TOX2: variants seen among roughly 807,000 people sequenced by gnomAD.
The protein encoded by TOX2 is granulosa cell HMG box 1.
Under a neutral mutation model 47.4 loss-of-function variants are expected in TOX2, and 15 were observed. That is an observed-to-expected ratio of 0.32 (90% confidence interval 0.21 to 0.49). The LOEUF (loss-of-function observed/expected upper bound fraction) is 0.49, where lower values mean the gene tolerates loss of function less well. Ranked by LOEUF, TOX2 falls within the 20% of genes least tolerant of loss-of-function variation. The pLI, the probability that TOX2 is intolerant of heterozygous loss-of-function variation, is 0.99. For synonymous variants in TOX2, 290 were observed against 296.6 expected (o/e 0.98, Z 0.23); for missense variants, 622 against 673.1 (o/e 0.92, Z 0.84).
At chr20:43,960,356 C>G (rs1215871068) in intron 1 of TOX2, among the ~76,000 whole-genome samples, 1 of 152,176 alleles carries the variant, frequency 6.6e-6, no homozygotes, top group Non-Finnish European at 1.5e-5. Flanking sequence ...AAAGAGGAAG[C>G]CTTGGCCAAG....
intron 2 of TOX2, among the ~76,000 whole-genome samples, chr20:43,994,590 G>A (rs1231317816): frequency 2.0e-5 from 3 of 151,996 alleles, no homozygotes; most frequent in East Asian, 3.8e-4. Flanking sequence ...CCAGCCTTGC[G>A]ACTTTTGCTA....
At chr20:44,060,219 G>GCATCTAA (rs2071693467) in intron 5 of TOX2, among the ~76,000 whole-genome samples, 2 of 152,100 alleles carry the variant, frequency 1.3e-5, no homozygotes, top group Non-Finnish European at 2.9e-5. Flanking sequence ...AAATTTATAT[G>GCATCTAA]CATCTAACAT....
At chr20:43,943,012 C>T (rs1178726208) in intron 1 of TOX2, among the ~76,000 whole-genome samples, 3 of 152,202 alleles carry the variant, frequency 2.0e-5, no homozygotes, top group African/African-American at 4.8e-5. Flanking sequence ...AATACCTCCA[C>T]CTGAATATTT....
At chr20:43,988,811 A>G (rs1237227595) in intron 2 of TOX2, among the ~76,000 whole-genome samples, 2 of 152,192 alleles carry the variant, frequency 1.3e-5, no homozygotes, top group African/African-American at 4.8e-5. Context: ...ATATACACAC[A>G]CACACTCAAA....
chr20:43,915,761 A>G lies in TOX2; in HGVS notation c.99+771A>G, dbSNP rs575617915. On this transcript the variant is annotated intron_variant, in intron 1 of 8. Coordinates refer to ENST00000341197, the MANE Select transcript of TOX2 (RefSeq NM_001098797.2). This position sits in a 1 kb window ranked among gnomAD's most constrained non-coding sequence, Gnocchi z 7.1. ...TCGGATTCCGAGTAGGCTGCGGCCA[A>G]TCGAGGCCTGTGTCCTCCCGGGAGC... 3.3e-5 allele frequency among the ~76,000 whole-genome samples: 5 copies of G among 152,362 alleles called. No individual in the cohort carries two copies. Among genetic ancestry groups the G allele is most frequent in the East Asian group, 3.9e-4 (2 of 5,188 alleles).
At chr20:43,954,372 G>A (rs949642859) in intron 1 of TOX2, among the ~76,000 whole-genome samples, 1 of 152,204 alleles carries the variant, frequency 6.6e-6, no homozygotes, top group African/African-American at 2.4e-5. Context: ...ACAGCACTTA[G>A]CACAATGCAA....
chr20:43,975,479 G>A (rs1306651951), intron 2 of TOX2, among the ~76,000 whole-genome samples: 1 of 152,182 alleles, frequency 6.6e-6, no homozygotes, highest in Non-Finnish European at 1.5e-5. Context: ...GATCAAGGAT[G>A]TTGGCTGATT....
intron 2 of TOX2, among the ~76,000 whole-genome samples, chr20:43,996,435 A>T (rs1329952133): frequency 1.3e-5 from 2 of 152,242 alleles, no homozygotes; most frequent in Non-Finnish European, 2.9e-5. Flanking sequence ...GCCCTGGCCT[A>T]GCCAGGACTC....
intron 1 of TOX2, among the ~76,000 whole-genome samples, chr20:43,960,884 C>T (rs557501538): frequency 1.1e-4 from 16 of 152,212 alleles, no homozygotes; most frequent in East Asian, 7.7e-4. Context: ...ACTGATGGAA[C>T]GGCCCAGGGG....
intron 3 of TOX2, among the ~76,000 whole-genome samples, chr20:44,011,071 G>T (rs1161792059): frequency 1.3e-5 from 2 of 152,096 alleles, no homozygotes; most frequent in African/African-American, 4.8e-5. Flanking sequence ...CCCTCTGTCA[G>T]CAAAACTCCC....
At chr20:43,971,639 T>C (rs2069970168) in intron 1 of TOX2, among the ~76,000 whole-genome samples, 1 of 152,194 alleles carries the variant, frequency 6.6e-6, no homozygotes. Flanking sequence ...CAATAACAGA[T>C]GCACAAAAAT....
At chr20:44,046,007 C>T (rs938269926) in intron 3 of TOX2, among the ~76,000 whole-genome samples, 2 of 152,154 alleles carry the variant, frequency 1.3e-5, no homozygotes, top group African/African-American at 4.8e-5. Context: ...ATTTTAAAAC[C>T]TTCTATAAAA....
At chr20:43,983,054 G>T (rs1286093140) in intron 2 of TOX2, among the ~76,000 whole-genome samples, 4 of 151,904 alleles carry the variant, frequency 2.6e-5, no homozygotes, top group Non-Finnish European at 5.9e-5. Flanking sequence ...GGTCTCTGGG[G>T]TGCGGTGTGT....
At chr20:44,051,984 A>C (rs1446221589) in intron 4 of TOX2, among the ~76,000 whole-genome samples, 4 of 152,206 alleles carry the variant, frequency 2.6e-5, no homozygotes, top group African/African-American at 7.2e-5. Context: ...GTTGGCAAAG[A>C]CTGACTCCTG....
chr20:44,028,638 A>T (rs1179045959), intron 3 of TOX2, among the ~76,000 whole-genome samples: 1 of 13,556 alleles, frequency 7.4e-5, no homozygotes, highest in Admixed American at 7.3e-4. Flanking sequence ...AGTGATACAG[A>T]CAGACAAAGA....
At chr20:44,068,400 A>C (rs2071872656) in intron 8 of TOX2, among the ~76,000 whole-genome samples, 1 of 152,010 alleles carries the variant, frequency 6.6e-6, no homozygotes, top group Admixed American at 6.5e-5. Flanking sequence ...GATGAAAGAC[A>C]GACACGCTAC....
chr20:43,948,176 G>C (rs2069502533), intron 1 of TOX2, among the ~76,000 whole-genome samples: 1 of 152,144 alleles, frequency 6.6e-6, no homozygotes. Context: ...CTGAAACCAG[G>C]GTGTCTGTTG....
chr20:44,039,309 AAGGGGCTGG>A, intron 3 of TOX2: 3 of 1,289,070 alleles, frequency 2.3e-6, no homozygotes, highest in Non-Finnish European at 3.0e-6. Flanking sequence ...GAGCTCTGGG[AAGGGGCTGG>A]AGAGGTCAGG....
intron 1 of TOX2, among the ~76,000 whole-genome samples, chr20:43,971,507 G>A (rs536534524): frequency 6.6e-6 from 1 of 152,328 alleles, no homozygotes; most frequent in South Asian, 2.1e-4. Context: ...GGTTGTGGGC[G>A]TGTGGATTTC....
Sources: allele counts gnomAD v4.1 joint callset (sites outside exome capture counted in the v4.1 genomes callset), GRCh38; gene constraint gnomAD v4.1.1; non-coding constraint Gnocchi (gnomAD v3.1); transcripts MANE v1.5; gene names NCBI Gene and HGNC (gene_info 2026-07-23, HGNC 2026-07-21).